The following SLCO5A1 variants were observed in gnomAD, a reference collection of about 807,000 sequenced individuals.
SLCO5A1 encodes the protein organic anion transporter polypeptide-related protein 4.
A neutral mutation model predicts 65.1 loss-of-function variants in SLCO5A1; 39 were observed. The ratio of observed to expected loss-of-function variants is 0.60; its 90% CI spans 0.46 to 0.78. The LOEUF is 0.78. Among genes scored for constraint, SLCO5A1 ranks in the 30% least tolerant of loss-of-function variants. SLCO5A1 has a pLI of 0.00. For missense variants in SLCO5A1, 1,029 were observed against 1,069.4 expected, an observed-to-expected ratio of 0.96 and a Z score of 0.53; for synonymous variants, 438 against 415.7, an observed-to-expected ratio of 1.05 and a Z score of -0.65.
At chr8:69,762,943 G>T (rs138525793) in intron 2 of SLCO5A1, among the ~76,000 whole-genome samples, 5 of 152,312 alleles carry the variant, frequency 3.3e-5, no homozygotes, top group Admixed American at 1.3e-4. Flanking sequence ...ATGCCCAAAG[G>T]GGGTGGGGAG....
chr8:69,763,271 C>T (rs376802259), intron 2 of SLCO5A1, among the ~76,000 whole-genome samples: 4 of 151,432 alleles, frequency 2.6e-5, no homozygotes, highest in Admixed American at 6.6e-5. Context: ...ATAACGCCAT[C>T]GCGCTCCAGT....
intron 6 of SLCO5A1, among the ~76,000 whole-genome samples, chr8:69,701,521 A>G (rs1814734104): frequency 6.6e-6 from 1 of 152,218 alleles, no homozygotes; most frequent in Admixed American, 6.5e-5. Flanking sequence ...CTCTGCAAGT[A>G]AGAACTTGGG....
chr8:69,823,011 A>G (rs1820712979), intron 2 of SLCO5A1, among the ~76,000 whole-genome samples: 2 of 152,118 alleles, frequency 1.3e-5, no homozygotes, highest in African/African-American at 4.8e-5. Context: ...GATCCTGAAT[A>G]TCACCCAATC....
chr8:69,696,079 A>AT (rs908909431), intron 6 of SLCO5A1, among the ~76,000 whole-genome samples: 1 of 152,114 alleles, frequency 6.6e-6, no homozygotes, highest in Non-Finnish European at 1.5e-5. Context: ...ACATTATGTA[A>AT]TTTTTTCCCA....
intron 6 of SLCO5A1, among the ~76,000 whole-genome samples, chr8:69,700,051 G>A (rs1402516285): frequency 2.0e-5 from 3 of 152,198 alleles, no homozygotes; most frequent in African/African-American, 7.2e-5. Flanking sequence ...AGCCATGATC[G>A]TGCCACGGCA....
At chr8:69,780,060 T>G (rs1248733036) in intron 2 of SLCO5A1, among the ~76,000 whole-genome samples, 1 of 152,038 alleles carries the variant, frequency 6.6e-6, no homozygotes, top group Non-Finnish European at 1.5e-5. Context: ...ATGCTCAACA[T>G]CATTAATAAT....
chr8:69,675,670 T>G (rs1487231217), intron 9 of SLCO5A1, among the ~76,000 whole-genome samples: 1 of 152,154 alleles, frequency 6.6e-6, no homozygotes, highest in Non-Finnish European at 1.5e-5. Flanking sequence ...CCACAACATA[T>G]GACAAATGGA....
chr8:69,717,855 G>T (rs1048710277), intron 5 of SLCO5A1, among the ~76,000 whole-genome samples: 2 of 152,074 alleles, frequency 1.3e-5, no homozygotes, highest in Non-Finnish European at 2.9e-5. Context: ...AGGATACATT[G>T]TGGACAGCTA....
intron 5 of SLCO5A1, 120 bp downstream of exon 5, chr8:69,737,920 A>G (rs764338220): frequency 1.3e-4 from 129 of 1,007,154 alleles, no homozygotes; most frequent in Non-Finnish European, 1.7e-4. Context: ...TCTGGGGGGA[A>G]AGGTAGCTGT....
chr8:69,748,961 T>C (rs558301058), intron 4 of SLCO5A1, among the ~76,000 whole-genome samples: 1 of 152,226 alleles, frequency 6.6e-6, no homozygotes, highest in Admixed American at 6.5e-5. Flanking sequence ...AACCATCCTA[T>C]GGCAAGTATG....
chr8:69,708,937 G>A (rs1015845709), intron 5 of SLCO5A1, among the ~76,000 whole-genome samples: 1 of 152,128 alleles, frequency 6.6e-6, no homozygotes, highest in Non-Finnish European at 1.5e-5. Flanking sequence ...AGAAACCAAG[G>A]AGAGAGTTTC....
intron 5 of SLCO5A1, among the ~76,000 whole-genome samples, chr8:69,714,251 C>G (rs1586716442): frequency 6.6e-6 from 1 of 152,244 alleles, no homozygotes; most frequent in Non-Finnish European, 1.5e-5. Flanking sequence ...AGGCAGAGAA[C>G]AAACTTTTTC....
At chr8:69,812,504 T>C (rs1414460127) in intron 2 of SLCO5A1, among the ~76,000 whole-genome samples, 1 of 152,214 alleles carries the variant, frequency 6.6e-6, no homozygotes, top group East Asian at 1.9e-4. Flanking sequence ...AAATTAATAA[T>C]TTCCAAAGTA....
intron 2 of SLCO5A1, among the ~76,000 whole-genome samples, chr8:69,783,395 T>C (rs1018243941): frequency 7.2e-5 from 11 of 152,082 alleles, no homozygotes; most frequent in African/African-American, 2.7e-4. Context: ...TTATTTCACA[T>C]TGCATGCCTG....
At chr8:69,821,805 CAA>C (rs11284619) in intron 2 of SLCO5A1, among the ~76,000 whole-genome samples, 2,928 of 115,228 alleles carry the variant, frequency 0.025, 33 homozygotes, top group African/African-American at 0.043. Flanking sequence ...GACTTTGTCT[CAA>C]AAAAAAAAAA....
chr8:69,703,802 A>C (rs1162124726), intron 6 of SLCO5A1, among the ~76,000 whole-genome samples: 1 of 152,254 alleles, frequency 6.6e-6, no homozygotes, highest in Admixed American at 6.5e-5. Context: ...TAAATGATAT[A>C]AACATACAAT....
intron 4 of SLCO5A1, among the ~76,000 whole-genome samples, chr8:69,753,236 C>G (rs998731501): frequency 2.6e-5 from 4 of 152,158 alleles, no homozygotes; most frequent in African/African-American, 9.7e-5. Flanking sequence ...ACGAAAGACA[C>G]AGAAACACAC....
intron 8 of SLCO5A1, 109 bp downstream of exon 8, chr8:69,679,269 C>G: frequency 6.8e-7 from 1 of 1,478,582 alleles, no homozygotes; most frequent in Non-Finnish European, 9.2e-7. Flanking sequence ...CCTGCACATG[C>G]TAATTTTGCT....
rs142398190 is a variant in SLCO5A1, at chr8:69,731,525, T to G, written c.1423+6515A>C. Among the ~76,000 whole-genome samples, 79 of 152,316 alleles carry G rather than the reference T, an allele frequency of 5.2e-4. 1 individual carries two copies. In the South Asian group the frequency reaches 9.3e-3, roughly 18 times the overall value. ...GAGCACTGGCTAAGAACCTGCCACA[T>G]GGTAGACACCCAAACATTCCTTAAA... On this transcript the variant is annotated intron_variant, in intron 5 of 9. Coordinates refer to ENST00000260126, the MANE Select transcript of SLCO5A1 (RefSeq NM_030958.3).
Sources: allele counts gnomAD v4.1 joint callset (sites outside exome capture counted in the v4.1 genomes callset), GRCh38; gene constraint gnomAD v4.1.1; transcripts MANE v1.5; gene names NCBI Gene and HGNC (gene_info 2026-07-23, HGNC 2026-07-21).